Variants in DIAPH3 observed in about 807,000 individuals in gnomAD.
DIAPH3 encodes diaphanous related formin 3.
DIAPH3 carries 117 observed loss-of-function variants against 144.3 expected under a neutral mutation model. That is an observed-to-expected ratio of 0.81 (90% CI 0.70 to 0.95). The LOEUF (loss-of-function observed/expected upper bound fraction) is 0.95. Among genes scored for constraint, DIAPH3 ranks in the 40% least tolerant of loss-of-function variants. The pLI is 0.00. For missense variants in DIAPH3, 1,421 were observed against 1,412.7 expected (o/e 1.01, Z -0.09); for synonymous variants, 519 against 488.9 (o/e 1.06, Z -0.81).
intron 2 of DIAPH3, among the ~76,000 whole-genome samples, chr13:60,125,816 G>C (rs569051042): frequency 6.6e-6 from 1 of 152,056 alleles, no homozygotes; most frequent in East Asian, 1.9e-4. Flanking sequence ...GGTAGCAATA[G>C]GAAGCTGCCA....
At chr13:59,970,675 A>C (rs886942481) in intron 16 of DIAPH3, among the ~76,000 whole-genome samples, 177 bp downstream of exon 16, 15 of 152,102 alleles carry the variant, frequency 9.9e-5, no homozygotes, top group Non-Finnish European at 1.5e-4. Context: ...GATTTGTCCC[A>C]ATACTTTAAA....
chr13:60,135,715 AG>A (rs371421134), intron 1 of DIAPH3, among the ~76,000 whole-genome samples: 1 of 152,350 alleles, frequency 6.6e-6, no homozygotes, highest in African/African-American at 2.4e-5. Context: ...AAGTCAGAAT[AG>A]GTTTCATTTC....
chr13:59,734,649 A>T (rs2036049064), intron 27 of DIAPH3, among the ~76,000 whole-genome samples: 1 of 152,050 alleles, frequency 6.6e-6, no homozygotes, highest in Non-Finnish European at 1.5e-5. Flanking sequence ...TGATAACAAA[A>T]CCTGTCTGCT....
chr13:59,873,415 G>C, intron 21 of DIAPH3, among the ~76,000 whole-genome samples: 1 of 152,144 alleles, frequency 6.6e-6, no homozygotes, highest in East Asian at 1.9e-4. Context: ...GTGTTAACTT[G>C]TGTGAGTGTG....
At chr13:59,749,292 A>G (rs2036869722) in intron 27 of DIAPH3, among the ~76,000 whole-genome samples, 2 of 149,464 alleles carry the variant, frequency 1.3e-5, no homozygotes, top group Non-Finnish European at 3.0e-5. Context: ...AGGCAGAGGC[A>G]GGTGGATCAT....
intron 27 of DIAPH3, among the ~76,000 whole-genome samples, chr13:59,747,483 A>G (rs781643951): frequency 2.0e-5 from 3 of 152,198 alleles, no homozygotes; most frequent in Non-Finnish European, 2.9e-5. Context: ...AAAAGGAGGG[A>G]CAAGGCATGA....
intron 25 of DIAPH3, among the ~76,000 whole-genome samples, chr13:59,795,310 A>C (rs1228920755): frequency 6.6e-6 from 1 of 152,214 alleles, no homozygotes; most frequent in East Asian, 1.9e-4. Flanking sequence ...TGAAAAATTA[A>C]GACTAAATTT....
At chr13:59,668,213 C>T (rs528911349) in intron 27 of DIAPH3, among the ~76,000 whole-genome samples, 6 of 152,170 alleles carry the variant, frequency 3.9e-5, no homozygotes, top group Non-Finnish European at 7.3e-5. Context: ...GGAAAGAGCA[C>T]GGTAGATGTG....
chr13:59,994,816 G>A (rs1039293191), intron 9 of DIAPH3, among the ~76,000 whole-genome samples: 1 of 151,832 alleles, frequency 6.6e-6, no homozygotes, highest in African/African-American at 2.4e-5. Context: ...GGTTGAACAA[G>A]GAGACAGGAG....
chr13:59,882,593 G>A (rs1409444593), intron 20 of DIAPH3, among the ~76,000 whole-genome samples: 2 of 152,108 alleles, frequency 1.3e-5, no homozygotes, highest in Non-Finnish European at 1.5e-5. Flanking sequence ...CTAAGACTAA[G>A]TGGAAGGCAG....
chr13:59,685,261 C>G lies in DIAPH3; in HGVS notation c.3320-18415G>C, dbSNP rs546161722. Among the ~76,000 whole-genome samples, 4 of 152,152 alleles carry G rather than the reference C, an allele frequency of 2.6e-5. No individual in the cohort carries two copies. In the East Asian group the frequency reaches 7.7e-4, roughly 29 times the overall value. ...TACCTTCAAATATCTTGAAATATAC[C>G]TTCAAATATATCGAAATATCTGTGA... On this transcript the variant is annotated intron_variant, in intron 27 of 27. Transcript: ENST00000400324.
intron 27 of DIAPH3, among the ~76,000 whole-genome samples, chr13:59,713,682 C>T (rs767311622): frequency 3.3e-5 from 5 of 152,104 alleles, no homozygotes; most frequent in Non-Finnish European, 7.4e-5. Context: ...GAGACAGCCA[C>T]CTACATGGCC....
chr13:59,720,070 A>G (rs766617883), intron 27 of DIAPH3, among the ~76,000 whole-genome samples: 3 of 152,194 alleles, frequency 2.0e-5, no homozygotes, highest in Non-Finnish European at 2.9e-5. Flanking sequence ...TCATGGGAAC[A>G]TTATAGACTA....
intron 3 of DIAPH3, 52 bp from the exon 4 acceptor site, chr13:60,093,784 T>C (rs2058026316): frequency 8.8e-7 from 1 of 1,142,126 alleles, no homozygotes; most frequent in African/African-American, 1.5e-5. Flanking sequence ...AGAGCAGCAA[T>C]TCTACATGCA....
intron 3 of DIAPH3, among the ~76,000 whole-genome samples, chr13:60,105,512 C>A (rs780496360): frequency 1.3e-5 from 2 of 152,082 alleles, no homozygotes; most frequent in Non-Finnish European, 2.9e-5. Context: ...GACATTATCC[C>A]CCTGACAAAC....
At chr13:59,756,526 C>CAGGGAGGG (rs558993505) in intron 27 of DIAPH3, among the ~76,000 whole-genome samples, 1 of 87,684 alleles carries the variant, frequency 1.1e-5, no homozygotes, top group African/African-American at 4.5e-5. Context: ...GTCAGGCAGG[C>CAGGGAGGG]AGGGAGGGAG....
intron 2 of DIAPH3, among the ~76,000 whole-genome samples, chr13:60,112,413 T>C (rs1013034372): frequency 6.6e-6 from 1 of 152,208 alleles, no homozygotes; most frequent in African/African-American, 2.4e-5. Flanking sequence ...CATTGAAAGA[T>C]TCCTTCTAAT....
chr13:59,981,771 C>T (rs1333344180), intron 13 of DIAPH3, among the ~76,000 whole-genome samples: 2 of 151,342 alleles, frequency 1.3e-5, no homozygotes, highest in East Asian at 3.9e-4. Flanking sequence ...AATGCAACCT[C>T]TTATTACCAT....
chr13:59,676,039 C>T (rs558019445), intron 27 of DIAPH3, among the ~76,000 whole-genome samples: 16 of 152,316 alleles, frequency 1.1e-4, no homozygotes, highest in African/African-American at 3.8e-4. Context: ...TCTTATACTT[C>T]TTCAACATTT....
Sources: gnomAD v4.1 joint callset for allele counts (sites outside exome capture counted in the v4.1 genomes callset) on GRCh38, gnomAD v4.1.1 for gene constraint, MANE v1.5 for transcripts, NCBI Gene and HGNC (gene_info 2026-07-23, HGNC 2026-07-21) for gene names.